The following INPP4B variants were observed in gnomAD, a reference collection of about 807,000 sequenced individuals.
INPP4B encodes inositol polyphosphate 4-phosphatase type II.
A neutral mutation model predicts 122.5 loss-of-function variants in INPP4B; 55 were observed. The observed-to-expected ratio is 0.45, with a 90% CI of 0.36 to 0.56. The LOEUF (loss-of-function observed/expected upper bound fraction) is 0.56. Among genes scored for constraint, INPP4B ranks in the 20% least tolerant of loss-of-function variants. The pLI, the probability that INPP4B is intolerant of heterozygous loss-of-function variation, is 0.00. For missense variants in INPP4B, 1,000 were observed against 1,097.7 expected (o/e 0.91, Z 1.26); for synonymous variants, 403 against 388.7 (o/e 1.04, Z -0.43).
chr4:142,607,617 TACAAA>T (rs1211574800), intron 2 of INPP4B, among the ~76,000 whole-genome samples: 1 of 152,144 alleles, frequency 6.6e-6, no homozygotes, highest in African/African-American at 2.4e-5. Context: ...GATGTCTATG[TACAAA>T]ACAAGTTTAA....
At chr4:142,789,656 T>C (rs1195491957) in intron 1 of INPP4B, among the ~76,000 whole-genome samples, 1 of 151,972 alleles carries the variant, frequency 6.6e-6, no homozygotes, top group Admixed American at 6.6e-5. Context: ...AAAATGACCA[T>C]ACTGCCAAAA....
intron 15 of INPP4B, among the ~76,000 whole-genome samples, chr4:142,188,669 G>A (rs1344969745): frequency 6.6e-6 from 1 of 150,758 alleles, no homozygotes; most frequent in African/African-American, 2.4e-5. Flanking sequence ...ATCCAAGTAG[G>A]GAAAAAAAGA....
At chr4:142,431,660 C>CT (rs1378847851) in intron 3 of INPP4B, among the ~76,000 whole-genome samples, 1 of 152,054 alleles carries the variant, frequency 6.6e-6, no homozygotes, top group East Asian at 1.9e-4. Context: ...TAGTGGATAG[C>CT]TATAGGGGCT....
intron 2 of INPP4B, among the ~76,000 whole-genome samples, chr4:142,594,961 A>AAG (rs1553965362): frequency 1.3e-5 from 2 of 150,906 alleles, no homozygotes; most frequent in Admixed American, 6.6e-5. Flanking sequence ...TCTCAAAAAA[A>AAG]AAAAAAAAAA....
rs1303780843 is a variant in INPP4B at position 142,394,139 on chromosome 4, T to G, written c.372+8799A>C. Among the ~76,000 whole-genome samples the G allele has an allele frequency of 3.3e-5, 5 of 151,654 alleles. No homozygotes were observed. In the East Asian group the frequency reaches 7.7e-4, roughly 23 times the overall value. ...AAGTTCACTTTTCTGTTTTGTGTGG[T>G]TTTTTTTGTTTGTTTGTTTGTTTTG... On this transcript the variant is annotated intron_variant, in intron 7 of 25. Transcript: ENST00000262992.
At chr4:142,074,469 A>G (rs1205188641) in intron 25 of INPP4B, among the ~76,000 whole-genome samples, 2 of 152,142 alleles carry the variant, frequency 1.3e-5, no homozygotes, top group African/African-American at 2.4e-5. Flanking sequence ...ATAAATTAGT[A>G]TAGCTATTTG....
intron 2 of INPP4B, among the ~76,000 whole-genome samples, chr4:142,540,245 A>G (rs1828779181): frequency 1.3e-5 from 2 of 152,062 alleles, no homozygotes. Flanking sequence ...ACCAAAAAGG[A>G]AAATTTTCTT....
At chr4:142,405,365 CCATATCT>C in intron 5 of INPP4B, 41 bp from the exon 6 acceptor site, 1 of 1,222,040 alleles carries the variant, frequency 8.2e-7, no homozygotes, top group East Asian at 2.3e-5. Flanking sequence ...GAAACTAACA[CCATATCT>C]CAGGGAAAAC....
chr4:142,166,852 C>T (rs550684188), intron 16 of INPP4B, among the ~76,000 whole-genome samples: 1 of 151,944 alleles, frequency 6.6e-6, no homozygotes, highest in East Asian at 1.9e-4. Context: ...CTGTCTCATG[C>T]CAGTCAGAAT....
intron 2 of INPP4B, among the ~76,000 whole-genome samples, chr4:142,635,627 G>T (rs1238548163): frequency 6.6e-6 from 1 of 152,138 alleles, no homozygotes; most frequent in Non-Finnish European, 1.5e-5. Flanking sequence ...AATACTGCAT[G>T]TTCTCACTTG....
At chr4:142,666,117 A>G (rs927498313) in intron 2 of INPP4B, among the ~76,000 whole-genome samples, 3 of 152,198 alleles carry the variant, frequency 2.0e-5, no homozygotes, top group African/African-American at 7.2e-5. Flanking sequence ...GGGGACTACT[A>G]CATATACTTG....
At chr4:142,653,551 T>C (rs1753481673) in intron 2 of INPP4B, among the ~76,000 whole-genome samples, 1 of 151,888 alleles carries the variant, frequency 6.6e-6, no homozygotes, top group East Asian at 1.9e-4. Context: ...CATCAAAAAG[T>C]GGGCAAAGGA....
chr4:142,301,921 C>T (rs1561797354), intron 9 of INPP4B, among the ~76,000 whole-genome samples: 4 of 152,012 alleles, frequency 2.6e-5, no homozygotes, highest in Non-Finnish European at 5.9e-5. Flanking sequence ...TTCCTGACTG[C>T]TAGTATCATT....
chr4:142,175,191 T>C (rs915398717), intron 15 of INPP4B, among the ~76,000 whole-genome samples: 22 of 152,272 alleles, frequency 1.4e-4, no homozygotes, highest in African/African-American at 5.3e-4. Context: ...TTACTGAATA[T>C]GTCTACTACA....
rs1229572460 is a variant in INPP4B at position 142,360,254 on chromosome 4, A to C, written c.372+42684T>G. Among the ~76,000 whole-genome samples the C allele has an allele frequency of 2.0e-5, 3 of 152,096 alleles. No homozygotes were observed. The East Asian group carries it at 5.8e-4, about 30-fold the overall frequency. Reference sequence around the variant, plus strand: ...ACCATTTCAGAGACTGCTATCTATAAGGGTAAATGAGTAGCCAATCTGGCA... The same window carrying C: ...ACCATTTCAGAGACTGCTATCTATACGGGTAAATGAGTAGCCAATCTGGCA... On this transcript the variant is annotated intron_variant, in intron 7 of 25. Transcript: ENST00000262992.
At chr4:142,336,566 T>C (rs1005148045) in intron 7 of INPP4B, among the ~76,000 whole-genome samples, 1 of 152,090 alleles carries the variant, frequency 6.6e-6, no homozygotes, top group Admixed American at 6.5e-5. Flanking sequence ...ACACCAGGGG[T>C]TGGGGGAAGA....
chr4:142,188,237 C>T (rs1834014926), intron 15 of INPP4B, among the ~76,000 whole-genome samples: 1 of 151,658 alleles, frequency 6.6e-6, no homozygotes, highest in Non-Finnish European at 1.5e-5. Context: ...CCTGTAATCC[C>T]AACACTTTGG....
chr4:142,029,913 A>G, intron 25 of INPP4B: 1 of 1,229,832 alleles, frequency 8.1e-7, no homozygotes, highest in Non-Finnish European at 1.0e-6. Context: ...GAGCTAGTTA[A>G]CAGTGGGAAA....
At chr4:142,506,734 C>G (rs572570892) in intron 2 of INPP4B, among the ~76,000 whole-genome samples, 2 of 152,224 alleles carry the variant, frequency 1.3e-5, no homozygotes, top group East Asian at 3.9e-4. Flanking sequence ...GGGGAGATAC[C>G]TTAAATAGGA....
Sources: allele counts gnomAD v4.1 joint callset (sites outside exome capture counted in the v4.1 genomes callset), GRCh38; gene constraint gnomAD v4.1.1; transcripts MANE v1.5; gene names NCBI Gene and HGNC (gene_info 2026-07-23, HGNC 2026-07-21).